The following CHRM2 variants were observed in gnomAD, a reference collection of about 807,000 sequenced individuals.
CHRM2 encodes the protein cholinergic receptor muscarinic 2, also known as muscarinic acetylcholine receptor M2.
A neutral mutation model predicts 25.0 loss-of-function variants in CHRM2; 8 were observed. The ratio of observed to expected loss-of-function variants is 0.32; its 90% CI spans 0.19 to 0.58. The LOEUF is 0.58. Ranked by LOEUF, CHRM2 falls within the 20% of genes least tolerant of loss-of-function variation. CHRM2 has a pLI of 0.88. For missense variants in CHRM2, 440 were observed against 567.1 expected (o/e 0.78, Z 2.28); for synonymous variants, 202 against 205.7 (o/e 0.98, Z 0.15).
At chr7:136,917,291 A>T (rs773836606) in intron 2 of CHRM2, among the ~76,000 whole-genome samples, 5 of 151,568 alleles carry the variant, frequency 3.3e-5, no homozygotes, top group Non-Finnish European at 5.9e-5. Context: ...TTCTCTGTTC[A>T]GCATTAATTA....
intron 2 of CHRM2, among the ~76,000 whole-genome samples, chr7:136,885,911 T>C (rs1027596865): frequency 6.6e-6 from 1 of 152,068 alleles, no homozygotes; most frequent in Non-Finnish European, 1.5e-5. Context: ...GAATGGAACA[T>C]TCAGAGTCCC....
chr7:137,009,168 G>A (rs1804644962), intron 3 of CHRM2, among the ~76,000 whole-genome samples: 1 of 152,082 alleles, frequency 6.6e-6, no homozygotes, highest in African/African-American at 2.4e-5. Context: ...CATCCTGCCT[G>A]ACCTCAGCAG....
intron 2 of CHRM2, chr7:136,899,572 C>A (rs2130608567): frequency 6.6e-6 from 1 of 152,130 alleles, no homozygotes; most frequent in South Asian, 2.1e-4. Context: ...CACATAGAGT[C>A]AGAAAATATG....
intron 3 of CHRM2, among the ~76,000 whole-genome samples, chr7:137,010,254 T>C (rs1804714795): frequency 6.6e-6 from 1 of 152,088 alleles, no homozygotes; most frequent in South Asian, 2.1e-4. Context: ...CTGTCTTCCC[T>C]GCCATGTATG....
chr7:136,919,794 A>C (rs1229770992), intron 2 of CHRM2, among the ~76,000 whole-genome samples: 2 of 152,026 alleles, frequency 1.3e-5, no homozygotes, highest in Non-Finnish European at 2.9e-5. Context: ...ATCCTGCACT[A>C]AGCTTCTTCT....
Position 136,912,693 on chromosome 7 carries a change from G to T in CHRM2, c.-125+43275G>T, listed in dbSNP as rs1043684591. Among the ~76,000 whole-genome samples the T allele has an allele frequency of 2.6e-5, 4 of 151,784 alleles. No homozygotes were observed. In the East Asian group the frequency reaches 7.8e-4, roughly 30 times the overall value. ...TACCACCTAAAGTGCTATTATTTTT[G>T]ATGAACAATAAGACTGGAGCCTAAG... On this transcript the variant is annotated intron_variant, in intron 2 of 3. Transcript: ENST00000680005.
At chr7:136,899,709 C>T (rs1381820986) in intron 2 of CHRM2, 2 of 152,078 alleles carry the variant, frequency 1.3e-5, no homozygotes, top group Non-Finnish European at 2.9e-5. Flanking sequence ...ATACTCCTTC[C>T]TAATGTGTTC....
chr7:136,880,757 T>C (rs2130502900), intron 2 of CHRM2, among the ~76,000 whole-genome samples: 1 of 151,948 alleles, frequency 6.6e-6, no homozygotes, highest in African/African-American at 2.4e-5. Flanking sequence ...ACCAGAGTGA[T>C]ACATTTGTTT....
chr7:136,878,253 C>T (rs1303417293), intron 2 of CHRM2, among the ~76,000 whole-genome samples: 1 of 151,940 alleles, frequency 6.6e-6, no homozygotes, highest in Non-Finnish European at 1.5e-5. Context: ...CAGATATGCC[C>T]ACTGTTTTCT....
chr7:136,902,741 C>T, intron 2 of CHRM2: 1 of 188,732 alleles, frequency 5.3e-6, no homozygotes, highest in South Asian at 9.5e-5. Context: ...CCTTTCTCCA[C>T]CATACAATAA....
At position 137,016,463 on chromosome 7, in the gene CHRM2, G is replaced by T; in HGVS notation, c.*197G>T. The T allele has an allele frequency of 1.7e-6, 1 of 593,758 alleles. No homozygotes were observed. Among genetic ancestry groups the T allele is most frequent in the Non-Finnish European group, 3.1e-6 (1 of 326,392 alleles). The allele number at this position is 593,758 out of a possible 1,614,324, so 36.8% of individuals were successfully genotyped here. ...AAAAATTGCACCTTATAAACTGTCA[G>T]TATTAGGAGCAATGAGACAATGAAA... On this transcript the variant is annotated 3_prime_UTR_variant, in exon 4 of 4. Transcript: ENST00000680005.
rs149048875 is a variant in CHRM2 at position 136,947,986 on chromosome 7, G to A, written c.-124-44201G>A. 3.8e-3 allele frequency among the ~76,000 whole-genome samples: 573 copies of A among 152,282 alleles called. 3 individuals carry two copies. The highest frequency in any genetic ancestry group is 0.014 in the Middle Eastern group (4 of 294). Reference sequence around the variant, plus strand: ...AATGGCTATTGAGGGAATTTGGAGGGAGAGATGACTTCTGGTGGGGCTGGG... The same window carrying A: ...AATGGCTATTGAGGGAATTTGGAGGAAGAGATGACTTCTGGTGGGGCTGGG... On this transcript the variant is annotated intron_variant, in intron 2 of 3. Transcript: ENST00000680005.
At chr7:136,925,642 C>A (rs971752558) in intron 2 of CHRM2, among the ~76,000 whole-genome samples, 1 of 151,954 alleles carries the variant, frequency 6.6e-6, no homozygotes, top group Non-Finnish European at 1.5e-5. Flanking sequence ...AGGATCCCAC[C>A]CCATTGACTG....
chr7:136,959,210 C>G (rs1213955032), intron 2 of CHRM2, among the ~76,000 whole-genome samples: 4 of 152,128 alleles, frequency 2.6e-5, no homozygotes, highest in African/African-American at 9.7e-5. Flanking sequence ...GAGAATTTAC[C>G]CACCAATAAA....
chr7:136,984,917 A>T (rs1189442610), intron 2 of CHRM2, among the ~76,000 whole-genome samples: 2 of 152,166 alleles, frequency 1.3e-5, no homozygotes, highest in African/African-American at 2.4e-5. Flanking sequence ...ATCCTAGAGC[A>T]TCTTTAATAC....
At chr7:137,011,171 A>G (rs912038082) in intron 3 of CHRM2, among the ~76,000 whole-genome samples, 3 of 148,482 alleles carry the variant, frequency 2.0e-5, no homozygotes, top group Non-Finnish European at 3.0e-5. Context: ...CCAGAGAGAC[A>G]GAACCAATAG....
chr7:136,900,133 G>A (rs572724326), intron 2 of CHRM2, among the ~76,000 whole-genome samples: 27 of 152,078 alleles, frequency 1.8e-4, no homozygotes, highest in African/African-American at 2.7e-4. Flanking sequence ...ATGAAATTCC[G>A]TCAGAACAAA....
intron 2 of CHRM2, among the ~76,000 whole-genome samples, chr7:136,990,309 C>T (rs559609506): frequency 1.3e-4 from 20 of 152,164 alleles, no homozygotes; most frequent in Non-Finnish European, 2.8e-4. Flanking sequence ...ATGACATGTA[C>T]CCATCATTAT....
At chr7:136,936,604 GTC>G (rs77568359) in intron 2 of CHRM2, among the ~76,000 whole-genome samples, 36,061 of 152,068 alleles carry the variant, frequency 0.24, 5,639 homozygotes, top group Non-Finnish European at 0.35. Context: ...GCATGTACAT[GTC>G]TCTGTCTGAG....
Sources: allele counts gnomAD v4.1 joint callset (sites outside exome capture counted in the v4.1 genomes callset), GRCh38; gene constraint gnomAD v4.1.1; transcripts MANE v1.5; gene names NCBI Gene and HGNC (gene_info 2026-07-23, HGNC 2026-07-21).